Variants in COPZ1 observed in about 807,000 individuals in gnomAD.
The protein encoded by COPZ1 is coatomer subunit zeta-1.
COPZ1 carries 4 observed loss-of-function variants against 31.7 expected under a neutral mutation model. That is an observed-to-expected ratio of 0.13 (90% confidence interval 0.06 to 0.29). COPZ1 has a LOEUF of 0.29. COPZ1 is among the 10% of genes least tolerant of loss of function. The pLI, the probability that COPZ1 is intolerant of heterozygous loss-of-function variation, is 1.00. For synonymous variants in COPZ1, 74 were observed against 79.0 expected (o/e 0.94, Z 0.33); for missense variants, 156 against 211.5 (o/e 0.74, Z 1.63).
chr12:54,325,468 G>A (rs76742390), intron 1 of COPZ1: 9,577 of 357,308 alleles, frequency 0.027, 171 homozygotes, highest in Middle Eastern at 0.061. Context: ...GACCCTTCAG[G>A]TTGCCCCTTA....
At chr12:54,342,982 G>A (rs1954001355) in intron 3 of COPZ1, among the ~76,000 whole-genome samples, 2 of 150,526 alleles carry the variant, frequency 1.3e-5, no homozygotes, top group Non-Finnish European at 2.9e-5. Flanking sequence ...TCACCCTCCT[G>A]AGTAGCAGGG....
chr12:54,345,787 C>T (rs1330043216), intron 5 of COPZ1, among the ~76,000 whole-genome samples: 1 of 152,046 alleles, frequency 6.6e-6, no homozygotes, highest in Non-Finnish European at 1.5e-5. Flanking sequence ...GAAACCCTGT[C>T]TCCACTAAAA....
intron 1 of COPZ1, among the ~76,000 whole-genome samples, chr12:54,334,934 G>T (rs1050610366): frequency 6.6e-6 from 1 of 152,054 alleles, no homozygotes; most frequent in Non-Finnish European, 1.5e-5. Context: ...AGCATGTTGG[G>T]AGGCCGAGAC....
At chr12:54,334,499 T>A (rs920886877) in intron 1 of COPZ1, among the ~76,000 whole-genome samples, 3 of 152,096 alleles carry the variant, frequency 2.0e-5, no homozygotes, top group African/African-American at 7.2e-5. Flanking sequence ...TCATCTGAAG[T>A]CTATCGGATT....
chr12:54,328,580 A>G (rs946543920), intron 1 of COPZ1, among the ~76,000 whole-genome samples: 1 of 152,162 alleles, frequency 6.6e-6, no homozygotes, highest in African/African-American at 2.4e-5. Flanking sequence ...AGTTAAAGAA[A>G]AAGAAAGTCT....
intron 1 of COPZ1, chr12:54,325,463 T>G: frequency 2.7e-6 from 1 of 375,202 alleles, no homozygotes; most frequent in Non-Finnish European, 4.8e-6. Flanking sequence ...ATTAGGACCC[T>G]TCAGGTTGCC....
At chr12:54,326,860 A>G (rs1953657708) in intron 1 of COPZ1, among the ~76,000 whole-genome samples, 1 of 151,278 alleles carries the variant, frequency 6.6e-6, no homozygotes, top group African/African-American at 2.4e-5. Flanking sequence ...TCTTTCAGTT[A>G]AAGACAGTTA....
chr12:54,348,252 C>T (rs1010599344), intron 7 of COPZ1: 2 of 582,892 alleles, frequency 3.4e-6, no homozygotes, highest in Admixed American at 3.0e-5. Flanking sequence ...ATTTCTACCC[C>T]TAATATGGTG....
chr12:54,340,382 G>T, intron 1 of COPZ1, 165 bp from the exon 2 acceptor site: 1 of 1,110,046 alleles, frequency 9.0e-7, no homozygotes, highest in Non-Finnish European at 1.2e-6. Context: ...ACTTACCCTG[G>T]GTCTTTCTCA....
At chr12:54,328,714 T>A (rs1305493231) in intron 1 of COPZ1, among the ~76,000 whole-genome samples, 1 of 152,258 alleles carries the variant, frequency 6.6e-6, no homozygotes, top group East Asian at 1.9e-4. Flanking sequence ...CACAGATCCC[T>A]GCTAACTTGA....
rs770450678 is a variant in COPZ1, at chr12:54,349,707, G to GCTAGAACAGCAT, written c.486+50_486+61dup. 3.3e-5 allele frequency: 46 copies of GCTAGAACAGCAT among 1,414,712 alleles called. 1 individual carries two copies. In the African/African-American group the frequency reaches 5.4e-4, roughly 17 times the overall value. 87.6% of individuals were successfully genotyped at this position (1,414,712 alleles called of 1,614,324 possible). On this transcript the variant is annotated intron_variant, in intron 8 of 8. Coordinates refer to ENST00000262061, the MANE Select transcript of COPZ1 (RefSeq NM_016057.3). Reference sequence around the variant, plus strand: ...CCAGATGGACTGGGTCACTAAAGAGGCTAGAACAGCATTCCACCCATACCT... The same window carrying GCTAGAACAGCAT: ...CCAGATGGACTGGGTCACTAAAGAGGCTAGAACAGCATCTAGAACAGCATTCCACCCATACCT...
chr12:54,343,247 C>T lies in COPZ1; in HGVS notation c.192C>T (p.Gly64=), dbSNP rs778545188. ...CAGGTGAAATTGCCCTCTTGGAAGG[C>T]CTGACAGTGGTATACAAAAGCAGTA... is the stretch of plus-strand genomic sequence containing the variant. The part of the protein sequence containing the change: ...RTDSEIALLE[G]LTVVYKSSID... The change falls in exon 4 of 9, where the codon GGC becomes GGT. Residue 64 remains glycine (G), a synonymous_variant. Transcript: ENST00000262061. 1 of 1,613,980 alleles carries T rather than the reference C, an allele frequency of 6.2e-7. No homozygotes were observed. The highest frequency in any genetic ancestry group is 1.1e-5 in the South Asian group (1 of 91,066).
intron 1 of COPZ1, among the ~76,000 whole-genome samples, chr12:54,329,456 G>A (rs946028590): frequency 1.3e-5 from 2 of 152,032 alleles, no homozygotes; most frequent in Non-Finnish European, 2.9e-5. Context: ...GGTGGCATGC[G>A]CTTGTAATCC....
chr12:54,333,330 G>A lies in COPZ1; in HGVS notation c.19-7217G>A, dbSNP rs145800863. On this transcript the variant is annotated intron_variant, in intron 1 of 8. Coordinates refer to ENST00000262061, the MANE Select transcript of COPZ1 (RefSeq NM_016057.3). The stretch of plus-strand genomic sequence containing the variant: ...CCCAAAGTGCTGGTATTACAGGTAG[G>A]AACCAGCATGCCTAGCCATGAAATC... Among the ~76,000 whole-genome samples the A allele has an allele frequency of 1.9e-3, 293 of 152,230 alleles. 1 individual carries two copies. In the East Asian group the frequency reaches 0.03, roughly 16 times the overall value.
intron 8 of COPZ1, chr12:54,349,995 T>G (rs1246233481): frequency 1.7e-6 from 1 of 591,594 alleles, no homozygotes. Context: ...ACACACTCTC[T>G]TTCTCTTATT....
intron 1 of COPZ1, among the ~76,000 whole-genome samples, chr12:54,334,089 A>G (rs1441788110): frequency 6.6e-6 from 1 of 151,332 alleles, no homozygotes; most frequent in Non-Finnish European, 1.5e-5. Context: ...AGAAATAATA[A>G]TAATATTAAT....
Position 54,343,250 on chromosome 12 carries a change from G to A in COPZ1, c.195G>A (p.Leu65=). ...GTGAAATTGCCCTCTTGGAAGGCCT[G>A]ACAGTGGTATACAAAAGCAGTATAG... ...TDSEIALLEG[L]TVVYKSSIDL... The change falls in exon 4 of 9, where the codon CTG becomes CTA. Residue 65 remains leucine, a synonymous_variant. Transcript: ENST00000262061. The A allele has an allele frequency of 6.2e-7, 1 of 1,614,054 alleles. No individual in the cohort carries two copies. The highest frequency in any genetic ancestry group is 1.3e-5 in the African/African-American group (1 of 75,006).
intron 7 of COPZ1, among the ~76,000 whole-genome samples, chr12:54,349,417 A>G (rs989858507): frequency 2.6e-5 from 4 of 152,246 alleles, no homozygotes; most frequent in African/African-American, 9.6e-5. Flanking sequence ...TGGAAGCTGG[A>G]TGAAATGACC....
At chr12:54,340,775 A>G (rs1445868500) in intron 2 of COPZ1, among the ~76,000 whole-genome samples, 160 bp downstream of exon 2, 1 of 151,816 alleles carries the variant, frequency 6.6e-6, no homozygotes, top group Non-Finnish European at 1.5e-5. Context: ...CTTATCACCC[A>G]GGCTGGAGTG....
Sources: allele counts gnomAD v4.1 joint callset (sites outside exome capture counted in the v4.1 genomes callset), GRCh38; gene constraint gnomAD v4.1.1; transcripts MANE v1.5; gene names NCBI Gene and HGNC (gene_info 2026-07-23, HGNC 2026-07-21).